MAGI1: variants seen among roughly 807,000 people sequenced by gnomAD.
MAGI1 encodes the protein membrane-associated guanylate kinase, WW and PDZ domain-containing protein 1.
In MAGI1, 58 loss-of-function variants were observed where a neutral mutation model predicts 139.9. That is an observed-to-expected ratio of 0.41 (90% CI 0.34 to 0.52). The LOEUF is 0.52. MAGI1 is among the 20% of genes least tolerant of loss of function. The pLI, the probability that MAGI1 is intolerant of heterozygous loss-of-function variation, is 0.12. For missense variants in MAGI1, 1,874 were observed against 1,901.6 expected, an observed-to-expected ratio of 0.99 and a Z score of 0.27; for synonymous variants, 812 against 737.9, an observed-to-expected ratio of 1.10 and a Z score of -1.63.
intron 1 of MAGI1, among the ~76,000 whole-genome samples, chr3:65,669,876 C>T (rs1247074944): frequency 6.6e-6 from 1 of 152,050 alleles, no homozygotes; most frequent in East Asian, 1.9e-4. Context: ...GTTGTCGGTC[C>T]CTTTCAATTA....
At chr3:65,759,138 G>A (rs373877944) in intron 1 of MAGI1, among the ~76,000 whole-genome samples, 1 of 146,718 alleles carries the variant, frequency 6.8e-6, no homozygotes, top group East Asian at 2.1e-4. Context: ...CTTATCTAGT[G>A]TCTCCCGATG....
intron 2 of MAGI1, among the ~76,000 whole-genome samples, chr3:65,526,761 G>C (rs186187166): frequency 1.8e-4 from 27 of 152,256 alleles, no homozygotes; most frequent in Admixed American, 1.2e-3. Flanking sequence ...TATGATGGGA[G>C]CATTCCCTCA....
chr3:65,573,011 AAAAT>A (rs1427221170), intron 2 of MAGI1, among the ~76,000 whole-genome samples: 3 of 152,154 alleles, frequency 2.0e-5, no homozygotes, highest in Non-Finnish European at 4.4e-5. Flanking sequence ...ACAAGTAAAA[AAAAT>A]GTTATACAGA....
chr3:65,642,774 G>A (rs1002909365), intron 1 of MAGI1, among the ~76,000 whole-genome samples: 1 of 152,148 alleles, frequency 6.6e-6, no homozygotes, highest in African/African-American at 2.4e-5. Flanking sequence ...TTTTTAAAAA[G>A]TGCCTTATAT....
At chr3:65,749,330 A>G (rs1478411306) in intron 1 of MAGI1, among the ~76,000 whole-genome samples, 3 of 152,212 alleles carry the variant, frequency 2.0e-5, no homozygotes, top group Non-Finnish European at 4.4e-5. Flanking sequence ...ATGTGATTCT[A>G]TGTAAAACAT....
chr3:65,624,632 G>A (rs956019907), intron 1 of MAGI1, among the ~76,000 whole-genome samples: 10 of 152,096 alleles, frequency 6.6e-5, no homozygotes, highest in African/African-American at 1.2e-4. Flanking sequence ...TACAGAGAGC[G>A]GAAGGTAGGC....
chr3:65,608,757 A>G (rs926465594), intron 2 of MAGI1, among the ~76,000 whole-genome samples: 2 of 152,214 alleles, frequency 1.3e-5, no homozygotes, highest in Non-Finnish European at 2.9e-5. Context: ...ATATGACGAC[A>G]CTGTAATCCA....
chr3:65,422,000 T>C (rs192451647), intron 12 of MAGI1, among the ~76,000 whole-genome samples: 71 of 152,340 alleles, frequency 4.7e-4, no homozygotes, highest in Non-Finnish European at 7.8e-4. Flanking sequence ...ATTTTTCTTC[T>C]ATTCAAATGT....
At chr3:66,025,360 G>A (rs1436742272) in intron 1 of MAGI1, among the ~76,000 whole-genome samples, 1 of 148,636 alleles carries the variant, frequency 6.7e-6, no homozygotes, top group African/African-American at 2.5e-5. Context: ...GCAAGACAGT[G>A]AAACCCTGTC....
At chr3:66,001,435 C>T (rs1016313544) in intron 1 of MAGI1, among the ~76,000 whole-genome samples, 4 of 152,124 alleles carry the variant, frequency 2.6e-5, no homozygotes, top group South Asian at 2.1e-4. Flanking sequence ...ATTTATAAAA[C>T]GACTGCAATG....
intron 1 of MAGI1, among the ~76,000 whole-genome samples, chr3:65,890,091 C>A (rs571040195): frequency 6.7e-6 from 1 of 149,806 alleles, no homozygotes; most frequent in East Asian, 2.0e-4. Flanking sequence ...GCCGGCCAGT[C>A]GCGGTGGCTC....
intron 5 of MAGI1, among the ~76,000 whole-genome samples, chr3:65,453,638 C>A (rs1949185146): frequency 6.6e-6 from 1 of 152,112 alleles, no homozygotes; most frequent in South Asian, 2.1e-4. Context: ...CTTGCGTATA[C>A]CATCTACCCT....
intron 5 of MAGI1, among the ~76,000 whole-genome samples, chr3:65,461,591 C>A (rs1199803035): frequency 1.5e-4 from 22 of 151,566 alleles, no homozygotes; most frequent in Admixed American, 1.3e-3. Flanking sequence ...CGGGTTCACG[C>A]CATTCTCCTG....
chr3:65,822,867 C>A (rs1340290725), intron 1 of MAGI1, among the ~76,000 whole-genome samples: 1 of 152,158 alleles, frequency 6.6e-6, no homozygotes, highest in Non-Finnish European at 1.5e-5. Context: ...CATTGCTGAA[C>A]CTGCATGATC....
chr3:65,626,686 G>C (rs938148423), intron 1 of MAGI1, among the ~76,000 whole-genome samples: 6 of 152,104 alleles, frequency 3.9e-5, no homozygotes, highest in African/African-American at 1.4e-4. Context: ...AACTAGCCAA[G>C]GTAGCTAGGG....
intron 12 of MAGI1, among the ~76,000 whole-genome samples, chr3:65,424,143 T>G (rs1237890124): frequency 6.6e-6 from 1 of 152,212 alleles, no homozygotes; most frequent in East Asian, 1.9e-4. Context: ...GTGTATTGCA[T>G]GTATCATGGT....
At chr3:65,719,205 C>A (rs1246920580) in intron 1 of MAGI1, among the ~76,000 whole-genome samples, 1 of 151,772 alleles carries the variant, frequency 6.6e-6, no homozygotes, top group Non-Finnish European at 1.5e-5. Flanking sequence ...GTAACCAAGA[C>A]ACTGCTATAG....
intron 16 of MAGI1, 35 bp downstream of exon 16, chr3:65,381,842 A>G (rs756064701): frequency 6.4e-7 from 1 of 1,551,490 alleles, no homozygotes; most frequent in Non-Finnish European, 8.7e-7. Flanking sequence ...ATAAAGTGAC[A>G]ACGCACTGTC....
At chr3:65,771,136 G>A (rs972045893) in intron 1 of MAGI1, among the ~76,000 whole-genome samples, 10 of 151,636 alleles carry the variant, frequency 6.6e-5, no homozygotes, top group South Asian at 2.1e-4. Context: ...GCGAAACCCC[G>A]TCTCTATTAA....
Sources: allele counts gnomAD v4.1 joint callset (sites outside exome capture counted in the v4.1 genomes callset), GRCh38; gene constraint gnomAD v4.1.1; transcripts MANE v1.5; gene names NCBI Gene and HGNC (gene_info 2026-07-23, HGNC 2026-07-21).